Variants in CDYL2 observed in about 807,000 individuals in gnomAD.
The protein encoded by CDYL2 is chromodomain Y-like protein 2.
Under a neutral mutation model 49.4 loss-of-function variants are expected in CDYL2, and 23 were observed. That is an observed-to-expected ratio of 0.47 (90% CI 0.34 to 0.66). The LOEUF (loss-of-function observed/expected upper bound fraction) is 0.66. CDYL2 is among the 30% of genes least tolerant of loss of function. The pLI, the probability that CDYL2 is intolerant of heterozygous loss-of-function variation, is 0.01. For missense variants in CDYL2, 678 were observed against 656.4 expected (o/e 1.03, Z -0.36); for synonymous variants, 360 against 268.8 (o/e 1.34, Z -3.32).
intron 2 of CDYL2, among the ~76,000 whole-genome samples, chr16:80,640,635 T>C (rs985788457): frequency 6.6e-6 from 1 of 152,034 alleles, no homozygotes; most frequent in African/African-American, 2.4e-5. Context: ...GCAAGGGAGA[T>C]ATGTGACCTT....
chr16:80,783,604 A>C (rs1205223310), intron 1 of CDYL2, among the ~76,000 whole-genome samples: 1 of 152,232 alleles, frequency 6.6e-6, no homozygotes, highest in Non-Finnish European at 1.5e-5. Context: ...CAACGGATGA[A>C]TGCATAAACA....
At chr16:80,637,397 C>T (rs985889938) in intron 2 of CDYL2, among the ~76,000 whole-genome samples, 6 of 151,802 alleles carry the variant, frequency 4.0e-5, no homozygotes, top group Middle Eastern at 3.2e-3. Flanking sequence ...AGAGTCCTAG[C>T]GATTGCAAAA....
intron 1 of CDYL2, among the ~76,000 whole-genome samples, chr16:80,779,787 C>T (rs997660467): frequency 6.6e-6 from 1 of 151,910 alleles, no homozygotes; most frequent in African/African-American, 2.4e-5. Context: ...TTTGAAGACT[C>T]CCATGTAAGT....
intron 1 of CDYL2, among the ~76,000 whole-genome samples, chr16:80,763,199 G>A (rs73579915): frequency 1.4e-3 from 18 of 13,098 alleles, no homozygotes; most frequent in Admixed American, 5.7e-3. Flanking sequence ...TTGCTAATCC[G>A]GTGTTCGAGG....
At chr16:80,630,856 C>T (rs1418438512) in intron 3 of CDYL2, among the ~76,000 whole-genome samples, 1 of 152,138 alleles carries the variant, frequency 6.6e-6, no homozygotes, top group East Asian at 1.9e-4. Flanking sequence ...CACCTCCCTC[C>T]CCACCCCACT....
chr16:80,631,851 A>G (rs1333778433), intron 3 of CDYL2, among the ~76,000 whole-genome samples: 2 of 152,232 alleles, frequency 1.3e-5, no homozygotes, highest in Non-Finnish European at 2.9e-5. Flanking sequence ...ACCACCTCAC[A>G]TGCACTAGTA....
chr16:80,780,708 T>G (rs993399218), intron 1 of CDYL2, among the ~76,000 whole-genome samples: 2 of 152,130 alleles, frequency 1.3e-5, no homozygotes, highest in African/African-American at 2.4e-5. Context: ...CCGGCCCAGA[T>G]GTACAATATC....
chr16:80,673,840 G>A (rs368993308), intron 2 of CDYL2, among the ~76,000 whole-genome samples: 1 of 152,210 alleles, frequency 6.6e-6, no homozygotes, highest in Non-Finnish European at 1.5e-5. Flanking sequence ...GGTTGGTTCA[G>A]TGTAATCACA....
intron 2 of CDYL2, among the ~76,000 whole-genome samples, chr16:80,654,513 A>G (rs970314198): frequency 6.6e-6 from 1 of 152,208 alleles, no homozygotes; most frequent in Admixed American, 6.5e-5. Context: ...TGGCACACTC[A>G]GAGCCCAGCG....
At chr16:80,803,480 C>T (rs1246749369) in intron 1 of CDYL2, among the ~76,000 whole-genome samples, 1 of 152,134 alleles carries the variant, frequency 6.6e-6, no homozygotes, top group Admixed American at 6.5e-5. Flanking sequence ...GGGCCACCCC[C>T]ACGCCCGAGC....
chr16:80,605,248 C>T (rs866672586), intron 6 of CDYL2, among the ~76,000 whole-genome samples: 1 of 150,180 alleles, frequency 6.7e-6, no homozygotes, highest in African/African-American at 2.4e-5. Context: ...TAAAGTATTA[C>T]GTATATACAC....
chr16:80,680,523 G>A (rs148747569), intron 2 of CDYL2, among the ~76,000 whole-genome samples: 2 of 152,310 alleles, frequency 1.3e-5, no homozygotes, highest in Non-Finnish European at 2.9e-5. Flanking sequence ...TTAGACGAGT[G>A]CTAAGCAGTT....
At chr16:80,779,417 C>G (rs1907193109) in intron 1 of CDYL2, among the ~76,000 whole-genome samples, 1 of 151,946 alleles carries the variant, frequency 6.6e-6, no homozygotes, top group Non-Finnish European at 1.5e-5. Flanking sequence ...CTAGCAATAT[C>G]CTTCCTGGAT....
chr16:80,739,402 T>C lies in CDYL2; in HGVS notation c.25-54273A>G, dbSNP rs115922095. Among the ~76,000 whole-genome samples the C allele has an allele frequency of 4.9e-3, 743 of 152,308 alleles. 7 individuals are homozygous for C. The highest frequency in any genetic ancestry group is 0.017 in the African/African-American group (715 of 41,562). The stretch of plus-strand genomic sequence containing the variant: ...GCACACTTAAAAATGGTTAAGATGG[T>C]AAATTTTATGTTATATGTATTTTAT... On this transcript the variant is annotated intron_variant, in intron 1 of 6. Transcript: ENST00000570137.
rs1350592028 is a variant in CDYL2, at chr16:80,684,829, T to C, written c.325A>G (p.Ile109Val). ...SKGTSHKRKRINPPLAKPKKG... is the reference protein window; with the variant it reads ...SKGTSHKRKRVNPPLAKPKKG... ...TTTGGCTTGGCCAGGGGAGGGTTAA[T>C]TCGCTTCCGTTTATGGGAGGTCCCC... The change falls in exon 2 of 7, where the codon ATT becomes GTT. Residue 109 changes from isoleucine to valine, a missense_variant. Coordinates refer to ENST00000570137, the MANE Select transcript of CDYL2 (RefSeq NM_152342.4). 1.2e-6 allele frequency: 2 copies of C among 1,614,188 alleles called. No individual in the cohort carries two copies. Among genetic ancestry groups the C allele is most frequent in the Non-Finnish European group, 1.7e-6 (2 of 1,180,034 alleles).
intron 1 of CDYL2, among the ~76,000 whole-genome samples, chr16:80,685,840 T>TCACTAGGC (rs1233680890): frequency 6.6e-6 from 1 of 152,194 alleles, no homozygotes. Context: ...ATTCTCTTAC[T>TCACTAGGC]CACTAGGCCA....
intron 2 of CDYL2, among the ~76,000 whole-genome samples, chr16:80,635,374 G>C (rs902793122): frequency 6.6e-6 from 1 of 152,118 alleles, no homozygotes; most frequent in African/African-American, 2.4e-5. Flanking sequence ...CAAAGTCTCA[G>C]GATACAAAAT....
intron 4 of CDYL2, among the ~76,000 whole-genome samples, chr16:80,613,665 T>A (rs1464505080): frequency 2.6e-5 from 4 of 152,234 alleles, no homozygotes; most frequent in Non-Finnish European, 5.9e-5. Context: ...CCATCAACAA[T>A]GACCTGTATT....
intron 3 of CDYL2, chr16:80,632,723 A>T: frequency 2.7e-6 from 1 of 365,174 alleles, no homozygotes; most frequent in Admixed American, 3.9e-5. Context: ...CCAAGATGTG[A>T]TGTTTGGATT....
Sources: gnomAD v4.1 joint callset for allele counts (sites outside exome capture counted in the v4.1 genomes callset) on GRCh38, gnomAD v4.1.1 for gene constraint, MANE v1.5 for transcripts, NCBI Gene and HGNC (gene_info 2026-07-23, HGNC 2026-07-21) for gene names.